The following CORO7 variants were observed in gnomAD, a reference collection of about 807,000 sequenced individuals.
CORO7 encodes the protein coronin-7.
Under a neutral mutation model 126.6 loss-of-function variants are expected in CORO7, and 107 were observed. The observed-to-expected ratio is 0.85, with a 90% CI of 0.72 to 0.99. CORO7 has a LOEUF of 0.99. Among genes scored for constraint, CORO7 ranks in the 50% least tolerant of loss-of-function variants. The pLI is 0.00. For synonymous variants in CORO7, 603 were observed against 536.8 expected, an observed-to-expected ratio of 1.12 and a Z score of -1.70; for missense variants, 1,314 against 1,255.8, an observed-to-expected ratio of 1.05 and a Z score of -0.70.
At chr16:4,360,838 C>G (rs1365651229) in intron 19 of CORO7, 105 bp downstream of exon 19, 7 of 1,522,690 alleles carry the variant, frequency 4.6e-6, no homozygotes, top group Non-Finnish European at 6.1e-6. Flanking sequence ...CTGGTCCTGC[C>G]TCTCCTCACT....
intron 10 of CORO7, 115 bp from the exon 11 acceptor site, chr16:4,365,175 C>G: frequency 6.8e-7 from 1 of 1,473,258 alleles, no homozygotes; most frequent in Non-Finnish European, 9.2e-7. Flanking sequence ...ACCACAGTGG[C>G]TGGAGATGGG....
intron 3 of CORO7, among the ~76,000 whole-genome samples, chr16:4,409,092 A>T (rs1285853820): frequency 6.6e-6 from 1 of 151,996 alleles, no homozygotes; most frequent in African/African-American, 2.4e-5. Flanking sequence ...CTAGGCATGG[A>T]GGGTGGCGGG....
Position 4,364,804 on chromosome 16 carries a change from C to T in CORO7, c.1015G>A (p.Val339Met), listed in dbSNP as rs112630763. ...CGGGGCACATGGTAGCCGATGGGCACGATGGCTGTGTCGCTCAGCTGTAGG... is the reference window on the plus strand; with the variant it reads ...CGGGGCACATGGTAGCCGATGGGCATGATGGCTGTGTCGCTCAGCTGTAGG... Reference protein sequence around the residue: ...RVLQLSDTAIVPIGYHVPRKA... With the variant: ...RVLQLSDTAIMPIGYHVPRKA... The change falls in exon 12 of 28, where the codon GTG (valine) becomes ATG (methionine). Residue 339 changes from valine to methionine, a missense_variant. Coordinates refer to ENST00000251166, the MANE Select transcript of CORO7 (RefSeq NM_024535.5). The T allele has an allele frequency of 2.0e-3, 3,171 of 1,611,672 alleles. 10 individuals carry two copies. The highest frequency in any genetic ancestry group is 2.5e-3 in the Non-Finnish European group (2,905 of 1,179,606).
chr16:4,393,217 C>A (rs550596637), intron 7 of CORO7, among the ~76,000 whole-genome samples: 2 of 152,312 alleles, frequency 1.3e-5, no homozygotes, highest in East Asian at 3.9e-4. Flanking sequence ...AGAGTGCAAC[C>A]TGAGAAAGTG....
Position 4,355,088 on chromosome 16 carries a change from T to G in CORO7, c.*70A>C. ...GGGGCCAGAGAGGTATCTTCCAGCT[T>G]GAGGATGAGCCGTGAGGTGTGCACT... On this transcript the variant is annotated 3_prime_UTR_variant, in exon 28 of 28. Transcript: ENST00000251166. 1.5e-5 allele frequency: 21 copies of G among 1,423,664 alleles called. No homozygotes were observed. Among genetic ancestry groups the G allele is most frequent in the South Asian group, 1.5e-5 (1 of 64,858 alleles). The allele number at this position is 1,423,664 out of a possible 1,614,324, so 88.2% of individuals were successfully genotyped here.
intron 9 of CORO7, among the ~76,000 whole-genome samples, chr16:4,377,505 A>G (rs2054784540): frequency 6.6e-6 from 1 of 152,196 alleles, no homozygotes. Context: ...ACAGAACAAC[A>G]GAAAACTACA....
intron 9 of CORO7, among the ~76,000 whole-genome samples, chr16:4,366,535 C>CTATT (rs1457819121): frequency 1.3e-4 from 15 of 114,400 alleles, no homozygotes; most frequent in African/African-American, 5.1e-4. Context: ...CTGATCTTTG[C>CTATT]TTTTTTTTTT....
chr16:4,375,589 A>G (rs1218696325), intron 9 of CORO7, among the ~76,000 whole-genome samples: 1 of 152,096 alleles, frequency 6.6e-6, no homozygotes, highest in East Asian at 1.9e-4. Flanking sequence ...CCAGGTTCAC[A>G]CCATTCTCCT....
At position 4,360,972 on chromosome 16, in the gene CORO7, G is replaced by C. The variant is rs140152390; in HGVS notation, c.1888C>G (p.Arg630Gly). 6 of 1,612,242 alleles carry C rather than the reference G, an allele frequency of 3.7e-6. No individual in the cohort carries two copies. The highest frequency in any genetic ancestry group is 1.7e-5 in the Admixed American group (1 of 59,998). The stretch of plus-strand genomic sequence containing the variant: ...TCTTGGTGGCCCTGCAGCTTCAGCC[G>C]ATCAGCTCCAGCCTGAAGGTCCCAG... ...RIWDLQAGAD[R>G]LKLQGHQDQI... The change falls in exon 19 of 28, where the codon CGG becomes GGG. Residue 630 changes from arginine (R) to glycine (G), a missense_variant. Arg to Gly is a moderately radical substitution (Grantham distance 125, BLOSUM62 -2). Transcript: ENST00000251166.
intron 5 of CORO7, among the ~76,000 whole-genome samples, chr16:4,405,795 G>A (rs2055977670): frequency 6.9e-6 from 1 of 145,012 alleles, no homozygotes; most frequent in South Asian, 2.1e-4. Flanking sequence ...ACTACCTTCC[G>A]AGGCTTCCCG....
intron 1 of CORO7, chr16:4,415,744 T>A (rs2056384994): frequency 3.0e-6 from 3 of 985,302 alleles, no homozygotes; most frequent in Admixed American, 1.2e-4. Context: ...AGAGCAGAGC[T>A]GACATCGTTT....
chr16:4,381,037 A>AC (rs1458800751), intron 9 of CORO7: 1 of 1,610,488 alleles, frequency 6.2e-7, no homozygotes. Context: ...GCCACCCGAC[A>AC]CGGTGGGGCT....
In CORO7 at chr16:4,400,797, CAATAATAAT is replaced by C. The variant is rs373023916; in HGVS notation, c.564+4685_564+4693del. Among the ~76,000 whole-genome samples, 44 of 139,338 alleles carry C rather than the reference CAATAATAAT, an allele frequency of 3.2e-4. 1 individual carries two copies. Among genetic ancestry groups the C allele is most frequent in the East Asian group, 4.2e-4 (2 of 4,790 alleles). The allele number at this position is 139,338 out of a possible 152,430, so 91.4% of individuals were successfully genotyped here. ...ATCGTGCCAATGCACTCCAGCAGTG[CAATAATAAT>C]AATAATAATAATAATAATAATAATA... On this transcript the variant is annotated intron_variant, in intron 6 of 27. Transcript: ENST00000251166.
chr16:4,361,168 GCA>G lies in CORO7; in HGVS notation c.1766_1767del (p.Val589AlafsTer27), dbSNP rs1203900589. ...LEEVLTTPET[V>X]LTGHTEKICS... ...ATTCCTGAGCCTGCCTGACCTGTGA[GCA>G]CAGTCTCTGGCGTGGTGAGCACCTC... On this transcript the variant is annotated frameshift_variant, in exon 18 of 28. Transcript: ENST00000251166. LOFTEE classifies it high-confidence loss of function. 2 of 1,612,940 alleles carry G rather than the reference GCA, an allele frequency of 1.2e-6. No homozygotes were observed. Among genetic ancestry groups the G allele is most frequent in the East Asian group, 2.2e-5 (1 of 44,896 alleles).
chr16:4,398,229 A>G (rs2055671210), intron 6 of CORO7, among the ~76,000 whole-genome samples: 1 of 152,204 alleles, frequency 6.6e-6, no homozygotes, highest in African/African-American at 2.4e-5. Flanking sequence ...TTGAATATAC[A>G]TTTTAAAAAT....
chr16:4,373,140 C>T (rs775862436), intron 9 of CORO7, among the ~76,000 whole-genome samples: 68 of 152,086 alleles, frequency 4.5e-4, no homozygotes, highest in Non-Finnish European at 8.2e-4. Context: ...CTGGGGCAGG[C>T]GGGTGGGGGA....
intron 6 of CORO7, among the ~76,000 whole-genome samples, chr16:4,396,930 C>A (rs1199297301): frequency 6.7e-6 from 1 of 148,414 alleles, no homozygotes; most frequent in African/African-American, 2.5e-5. Flanking sequence ...GCAGGAGAAT[C>A]GTTTGAACCT....
At chr16:4,364,447 A>G (rs773397363) in intron 13 of CORO7, 34 bp from the exon 14 acceptor site, 6 of 1,486,936 alleles carry the variant, frequency 4.0e-6, no homozygotes, top group South Asian at 1.4e-5. Flanking sequence ...AGATGGGGGC[A>G]TGGGCTGCCC....
At chr16:4,394,365 T>C (rs2055504225) in intron 7 of CORO7, among the ~76,000 whole-genome samples, 1 of 149,734 alleles carries the variant, frequency 6.7e-6, no homozygotes, top group African/African-American at 2.5e-5. Flanking sequence ...GAGAGAATGG[T>C]GTGAACCCAG....
Sources: gnomAD v4.1 joint callset for allele counts (sites outside exome capture counted in the v4.1 genomes callset) on GRCh38, gnomAD v4.1.1 for gene constraint, MANE v1.5 for transcripts, NCBI Gene and HGNC (gene_info 2026-07-23, HGNC 2026-07-21) for gene names.